Variants in MSRA observed in about 807,000 individuals in gnomAD.
The protein encoded by MSRA is mitochondrial peptide methionine sulfoxide reductase.
In MSRA, 54 loss-of-function variants were observed where a neutral mutation model predicts 31.3. That is an observed-to-expected ratio of 1.73 (90% confidence interval 1.39 to 2.17). The LOEUF (loss-of-function observed/expected upper bound fraction) is 2.17. Among genes scored for constraint, MSRA ranks in the 30% most tolerant of loss-of-function variants. The pLI is 0.00. For synonymous variants in MSRA, 169 were observed against 116.5 expected (o/e 1.45, Z -2.90); for missense variants, 507 against 300.9 (o/e 1.69, Z -5.07).
At chr8:10,375,915 G>T (rs891280114) in intron 5 of MSRA, among the ~76,000 whole-genome samples, 2 of 152,204 alleles carry the variant, frequency 1.3e-5, no homozygotes, top group Non-Finnish European at 2.9e-5. Context: ...AATACGATCA[G>T]TGCTACTTTG....
At chr8:10,202,455 A>C (rs1395015100) in intron 1 of MSRA, among the ~76,000 whole-genome samples, 1 of 152,240 alleles carries the variant, frequency 6.6e-6, no homozygotes, top group Non-Finnish European at 1.5e-5. Flanking sequence ...AATGAGAAGG[A>C]AAATGACTTC....
At chr8:10,405,986 T>C (rs761085941) in intron 5 of MSRA, among the ~76,000 whole-genome samples, 1 of 152,282 alleles carries the variant, frequency 6.6e-6, no homozygotes, top group Non-Finnish European at 1.5e-5. Context: ...AGACTGAGAC[T>C]GGCTATTCAC....
chr8:10,093,515 G>A (rs1798961075), intron 1 of MSRA, among the ~76,000 whole-genome samples: 1 of 152,032 alleles, frequency 6.6e-6, no homozygotes, highest in Non-Finnish European at 1.5e-5. Flanking sequence ...TAGATTGTGT[G>A]CTTTTCAACA....
chr8:10,259,174 T>C (rs1420819164), intron 3 of MSRA, among the ~76,000 whole-genome samples: 1 of 152,008 alleles, frequency 6.6e-6, no homozygotes, highest in Admixed American at 6.6e-5. Flanking sequence ...TCTATTGAAG[T>C]TCTCAATGCC....
At chr8:10,373,211 C>A (rs530416578) in intron 5 of MSRA, among the ~76,000 whole-genome samples, 1 of 152,186 alleles carries the variant, frequency 6.6e-6, no homozygotes, top group Non-Finnish European at 1.5e-5. Context: ...TATTTACCAG[C>A]GAAATCTTGT....
At chr8:10,407,137 A>G (rs1807868157) in intron 5 of MSRA, among the ~76,000 whole-genome samples, 2 of 152,210 alleles carry the variant, frequency 1.3e-5, no homozygotes, top group African/African-American at 4.8e-5. Context: ...TCGGCCTTCT[A>G]AAGTGCTGGG....
intron 5 of MSRA, among the ~76,000 whole-genome samples, chr8:10,342,794 C>T (rs1803512824): frequency 6.6e-6 from 1 of 152,220 alleles, no homozygotes; most frequent in South Asian, 2.1e-4. Context: ...AGTGGGCTTG[C>T]CCCTGCATCC....
At chr8:10,277,573 G>A (rs1352416818) in intron 3 of MSRA, among the ~76,000 whole-genome samples, 3 of 152,140 alleles carry the variant, frequency 2.0e-5, no homozygotes, top group Non-Finnish European at 4.4e-5. Context: ...CTTTTTCTCT[G>A]TATGGAGTAG....
At chr8:10,283,577 A>C (rs1799749972) in intron 3 of MSRA, among the ~76,000 whole-genome samples, 1 of 151,470 alleles carries the variant, frequency 6.6e-6, no homozygotes, top group African/African-American at 2.4e-5. Context: ...GTAGTATTTT[A>C]TCTCTCACCC....
chr8:10,359,443 G>A (rs1439024051), intron 5 of MSRA, among the ~76,000 whole-genome samples: 1 of 151,924 alleles, frequency 6.6e-6, no homozygotes, highest in Non-Finnish European at 1.5e-5. Context: ...ACTTTTTAAA[G>A]GCCTTTAGTT....
At chr8:10,144,361 C>T (rs1414189682) in intron 1 of MSRA, among the ~76,000 whole-genome samples, 4 of 151,876 alleles carry the variant, frequency 2.6e-5, no homozygotes, top group Non-Finnish European at 5.9e-5. Flanking sequence ...GTTTTTGAAC[C>T]TCTCTGAGTT....
Position 10,277,394 on chromosome 8 carries a change from G to T in MSRA, c.332-24140G>T, listed in dbSNP as rs62494121. On this transcript the variant is annotated intron_variant, in intron 3 of 5. Coordinates refer to ENST00000317173, the MANE Select transcript of MSRA (RefSeq NM_012331.5). Reference sequence around the variant, plus strand: ...CCAAAGCGCTGTGTTTTCTTGGGAAGGTCACTCACCCTGTTTATGCCTCTT... The same window carrying T: ...CCAAAGCGCTGTGTTTTCTTGGGAATGTCACTCACCCTGTTTATGCCTCTT... Among the ~76,000 whole-genome samples, 1,208 of 152,230 alleles carry T rather than the reference G, an allele frequency of 7.9e-3. 7 individuals are homozygous for T. The highest frequency in any genetic ancestry group is 0.011 in the Non-Finnish European group (750 of 68,026).
intron 5 of MSRA, among the ~76,000 whole-genome samples, chr8:10,404,682 C>T (rs565562360): frequency 1.3e-5 from 2 of 152,246 alleles, no homozygotes; most frequent in African/African-American, 4.8e-5. Context: ...GATGTGTACA[C>T]AAACACAGCC....
intron 5 of MSRA, among the ~76,000 whole-genome samples, chr8:10,326,855 A>G (rs1225788479): frequency 6.6e-6 from 1 of 152,228 alleles, no homozygotes; most frequent in Non-Finnish European, 1.5e-5. Context: ...CCTAAACTGA[A>G]TGTGGCCTCC....
intron 1 of MSRA, among the ~76,000 whole-genome samples, chr8:10,133,445 G>T (rs184129493): frequency 1.3e-5 from 2 of 152,178 alleles, no homozygotes; most frequent in East Asian, 3.9e-4. Context: ...GGACCAGGCC[G>T]TGGGCACAAA....
intron 5 of MSRA, among the ~76,000 whole-genome samples, chr8:10,343,531 C>G (rs1256333109): frequency 6.6e-6 from 1 of 152,170 alleles, no homozygotes; most frequent in Non-Finnish European, 1.5e-5. Context: ...GTAGCACCGT[C>G]CATTTGCAAA....
chr8:10,162,156 C>G (rs886895343), intron 1 of MSRA, among the ~76,000 whole-genome samples: 2 of 152,154 alleles, frequency 1.3e-5, no homozygotes, highest in African/African-American at 2.4e-5. Flanking sequence ...GGGGAGTGGT[C>G]TGCGGTGGAA....
intron 4 of MSRA, among the ~76,000 whole-genome samples, chr8:10,316,796 G>T (rs1335015984): frequency 1.3e-5 from 2 of 152,308 alleles, no homozygotes; most frequent in East Asian, 3.9e-4. Flanking sequence ...TGGATAATAA[G>T]AAGTGCCATC....
chr8:10,286,439 C>T (rs555624573), intron 3 of MSRA, among the ~76,000 whole-genome samples: 1 of 152,332 alleles, frequency 6.6e-6, no homozygotes, highest in South Asian at 2.1e-4. Context: ...CGCCGCCATC[C>T]ATGTAAGATG....
Sources: gnomAD v4.1 joint callset for allele counts (sites outside exome capture counted in the v4.1 genomes callset) on GRCh38, gnomAD v4.1.1 for gene constraint, MANE v1.5 for transcripts, NCBI Gene and HGNC (gene_info 2026-07-23, HGNC 2026-07-21) for gene names.